CLINT1: variants seen among roughly 807,000 people sequenced by gnomAD.
The protein encoded by CLINT1 is clathrin interacting protein localized in the trans-Golgi region.
Under a neutral mutation model 70.4 loss-of-function variants are expected in CLINT1, and 15 were observed. The ratio of observed to expected loss-of-function variants is 0.21; its 90% CI spans 0.14 to 0.33. The LOEUF is 0.33. Ranked by LOEUF, CLINT1 falls within the 10% of genes least tolerant of loss-of-function variation. CLINT1 has a pLI of 1.00. For synonymous variants in CLINT1, 227 were observed against 254.7 expected (o/e 0.89, Z 1.04); for missense variants, 615 against 778.1 (o/e 0.79, Z 2.49).
chr5:157,794,108 T>A (rs921107292), intron 9 of CLINT1, among the ~76,000 whole-genome samples: 4 of 152,132 alleles, frequency 2.6e-5, no homozygotes, highest in Non-Finnish European at 5.9e-5. Context: ...TAGCCCCTAT[T>A]CTATTAGGTT....
intron 1 of CLINT1, among the ~76,000 whole-genome samples, chr5:157,841,054 G>C (rs1023262852): frequency 6.6e-6 from 1 of 152,070 alleles, no homozygotes; most frequent in Non-Finnish European, 1.5e-5. Context: ...TTGAGCTCAG[G>C]AGTTCAAGAC....
At chr5:157,848,284 A>G (rs1753450341) in intron 1 of CLINT1, among the ~76,000 whole-genome samples, 1 of 149,458 alleles carries the variant, frequency 6.7e-6, no homozygotes, top group African/African-American at 2.5e-5. Flanking sequence ...TTTAGTAGAG[A>G]TGGGGTTTCA....
At position 157,831,881 on chromosome 5, in the gene CLINT1, G is replaced by A. The variant is rs189904053; in HGVS notation, c.42-14334C>T. Reference sequence around the variant, plus strand: ...TAATTTTTGTATTTGTAGTAGAGACGGGGTTGCACCACGTTGGCCGGGATG... The same window carrying A: ...TAATTTTTGTATTTGTAGTAGAGACAGGGTTGCACCACGTTGGCCGGGATG... On this transcript the variant is annotated intron_variant, in intron 1 of 11. Coordinates refer to ENST00000411809, the MANE Select transcript of CLINT1 (RefSeq NM_014666.4). 3.7e-3 allele frequency among the ~76,000 whole-genome samples: 557 copies of A among 151,968 alleles called. 6 individuals carry two copies. Among genetic ancestry groups the A allele is most frequent in the African/African-American group, 0.013 (520 of 41,432 alleles).
chr5:157,840,775 G>A (rs972907743), intron 1 of CLINT1, among the ~76,000 whole-genome samples: 5 of 151,908 alleles, frequency 3.3e-5, no homozygotes, highest in East Asian at 1.9e-4. Flanking sequence ...GGTGGCTCAC[G>A]CTTGTAATCC....
At chr5:157,852,526 G>A (rs1753609456) in intron 1 of CLINT1, among the ~76,000 whole-genome samples, 1 of 152,082 alleles carries the variant, frequency 6.6e-6, no homozygotes, top group Admixed American at 6.6e-5. Flanking sequence ...TTTTTCTAGT[G>A]TTATACTGTT....
At chr5:157,813,362 G>A in intron 4 of CLINT1, 135 bp from the exon 5 acceptor site, 1 of 822,302 alleles carries the variant, frequency 1.2e-6, no homozygotes, top group Non-Finnish European at 1.8e-6. Flanking sequence ...AAAGGGGCAA[G>A]TTGTGCTATT....
Position 157,787,192 on chromosome 5 carries a change from A to G in CLINT1, c.*454T>C, listed in dbSNP as rs780041064. On this transcript the variant is annotated 3_prime_UTR_variant, in exon 12 of 12. Coordinates refer to ENST00000411809, the MANE Select transcript of CLINT1 (RefSeq NM_014666.4). ...TATAAAAAACTGATCATCCAACTTT[A>G]ATGATTTCATATATGGACTCAAGAG... The G allele has an allele frequency of 2.6e-5, 4 of 154,684 alleles. No individual in the cohort carries two copies. The highest frequency in any genetic ancestry group is 4.3e-5 in the Non-Finnish European group (3 of 69,538). 9.6% of individuals were successfully genotyped at this position (154,684 alleles called of 1,614,324 possible).
intron 1 of CLINT1, among the ~76,000 whole-genome samples, chr5:157,840,880 T>G (rs1162725716): frequency 2.0e-5 from 3 of 151,976 alleles, no homozygotes; most frequent in African/African-American, 7.2e-5. Flanking sequence ...CCCATCTCTT[T>G]AAAAAAGAGA....
chr5:157,854,223 T>C (rs1282371125), intron 1 of CLINT1, among the ~76,000 whole-genome samples: 1 of 152,138 alleles, frequency 6.6e-6, no homozygotes, highest in East Asian at 1.9e-4. Context: ...AATAATCCAT[T>C]CAAGTTGTAG....
intron 1 of CLINT1, among the ~76,000 whole-genome samples, chr5:157,841,180 T>G (rs1305117946): frequency 6.6e-6 from 1 of 152,132 alleles, no homozygotes; most frequent in Non-Finnish European, 1.5e-5. Context: ...GTGGGAGGAC[T>G]ACTTGATGCC....
intron 1 of CLINT1, among the ~76,000 whole-genome samples, chr5:157,851,698 A>AG (rs1753581703): frequency 1.3e-5 from 2 of 152,072 alleles, no homozygotes; most frequent in African/African-American, 2.4e-5. Context: ...AAAAAAAAAA[A>AG]AAAAAAGAAA....
chr5:157,848,692 C>T (rs1308042476), intron 1 of CLINT1, among the ~76,000 whole-genome samples: 1 of 152,040 alleles, frequency 6.6e-6, no homozygotes, highest in South Asian at 2.1e-4. Flanking sequence ...GATGCAGTCT[C>T]GTTCTGTTGT....
intron 1 of CLINT1, among the ~76,000 whole-genome samples, chr5:157,838,500 C>T (rs1452502449): frequency 6.6e-6 from 1 of 152,176 alleles, no homozygotes; most frequent in East Asian, 1.9e-4. Flanking sequence ...ATGCTTAATA[C>T]GTACATCTTA....
intron 1 of CLINT1, among the ~76,000 whole-genome samples, chr5:157,827,789 C>T (rs1388808778): frequency 6.6e-6 from 1 of 152,166 alleles, no homozygotes; most frequent in African/African-American, 2.4e-5. Flanking sequence ...TGAACCTAGA[C>T]CCCAGAAACT....
At chr5:157,806,963 GGAGAGAGA>G (rs3836885) in intron 6 of CLINT1, among the ~76,000 whole-genome samples, 12 of 145,952 alleles carry the variant, frequency 8.2e-5, no homozygotes, top group Non-Finnish European at 1.2e-4. Flanking sequence ...GATGTAAGTA[GGAGAGAGA>G]GAGAGAGAGA....
At chr5:157,809,828 A>G in intron 5 of CLINT1, 23 bp from the exon 6 acceptor site, 1 of 1,597,654 alleles carries the variant, frequency 6.3e-7, no homozygotes, top group Non-Finnish European at 8.5e-7. Flanking sequence ...TTAAAAAAAG[A>G]AGCAATTCTA....
intron 1 of CLINT1, among the ~76,000 whole-genome samples, chr5:157,841,597 G>T (rs539179923): frequency 1.6e-4 from 25 of 152,046 alleles, no homozygotes; most frequent in Non-Finnish European, 3.1e-4. Context: ...GGATTGGTTG[G>T]TATTTCCTTT....
intron 11 of CLINT1, among the ~76,000 whole-genome samples, chr5:157,788,403 TA>T (rs1263099190): frequency 6.6e-6 from 1 of 152,196 alleles, no homozygotes; most frequent in African/African-American, 2.4e-5. Context: ...CAAAAATCTT[TA>T]AAAAGTTTAT....
At chr5:157,807,670 C>T (rs1762428016) in intron 6 of CLINT1, among the ~76,000 whole-genome samples, 1 of 151,980 alleles carries the variant, frequency 6.6e-6, no homozygotes, top group Non-Finnish European at 1.5e-5. Context: ...TCTTTTAAAC[C>T]TAAATACTCC....
Sources: gnomAD v4.1 joint callset for allele counts (sites outside exome capture counted in the v4.1 genomes callset) on GRCh38, gnomAD v4.1.1 for gene constraint, MANE v1.5 for transcripts, NCBI Gene and HGNC (gene_info 2026-07-23, HGNC 2026-07-21) for gene names.